SLC25A26: variants seen among roughly 807,000 people sequenced by gnomAD.
The protein encoded by SLC25A26 is solute carrier family 25 member 26.
SLC25A26 carries 36 observed loss-of-function variants against 37.8 expected under a neutral mutation model. The ratio of observed to expected loss-of-function variants is 0.95; its 90% CI spans 0.73 to 1.26. The LOEUF (loss-of-function observed/expected upper bound fraction) is 1.26, where lower values mean the gene tolerates loss of function less well. SLC25A26 is among the 50% of genes most tolerant of loss of function. The pLI is 0.00. For missense variants in SLC25A26, 390 were observed against 331.1 expected (o/e 1.18, Z -1.38); for synonymous variants, 129 against 122.5 (o/e 1.05, Z -0.35).
chr3:66,324,196 G>A (rs2075775275), intron 5 of SLC25A26: 1 of 145,908 alleles, frequency 6.9e-6, no homozygotes, highest in South Asian at 2.1e-4. Context: ...GTGTGTGTGT[G>A]TGTGTGTGTG....
rs1000019978 is a variant in SLC25A26, at chr3:66,378,571, A to G, written c.*764A>G. 1 of 152,544 alleles carries G rather than the reference A, an allele frequency of 6.6e-6. No homozygotes were observed. Among genetic ancestry groups the G allele is most frequent in the Non-Finnish European group, 1.5e-5 (1 of 68,038 alleles). The allele number at this position is 152,544 out of a possible 1,614,324, so 9.4% of individuals were successfully genotyped here. A position where few individuals can be genotyped will look rare whatever the true frequency, so the allele number is the denominator to read the frequency against. On this transcript the variant is annotated 3_prime_UTR_variant, in exon 10 of 10. Coordinates refer to ENST00000354883, the MANE Select transcript of SLC25A26 (RefSeq NM_001379210.1). The stretch of plus-strand genomic sequence containing the variant: ...GGGCCTGGGCCAGCTTTGAAAAGGC[A>G]GGATGAAATGGAAAGGTCACCACAC...
Position 66,370,550 on chromosome 3 carries a change from G to A in SLC25A26, c.655G>A (p.Gly219Arg). 6.2e-7 allele frequency: 1 copy of A among 1,613,924 alleles called. No individual in the cohort carries two copies. Among genetic ancestry groups the A allele is most frequent in the East Asian group, 2.2e-5 (1 of 44,876 alleles). Residue 219 changes from glycine to arginine, a missense_variant, in exon 9 of 10, where the codon GGG becomes AGG. Physicochemically the swap from Gly to Arg is moderately radical, Grantham distance 125. Transcript: ENST00000354883. ...ACAGGCTGGCTCCAGCACTGCTGATGGGAATGTGCTCTCTGTCCTGCATGG... is the reference window on the plus strand; with the variant it reads ...ACAGGCTGGCTCCAGCACTGCTGATAGGAATGTGCTCTCTGTCCTGCATGG... ...LAKAGSSTAD[G>R]NVLSVLHGVW...
chr3:66,301,788 G>T (rs1396478221), intron 5 of SLC25A26, among the ~76,000 whole-genome samples: 1 of 152,172 alleles, frequency 6.6e-6, no homozygotes, highest in Non-Finnish European at 1.5e-5. Flanking sequence ...TTAGAATTGT[G>T]ACGGGGGTAA....
At chr3:66,166,874 T>A (rs1438991260) in intron 1 of SLC25A26, among the ~76,000 whole-genome samples, 1 of 152,076 alleles carries the variant, frequency 6.6e-6, no homozygotes, top group Non-Finnish European at 1.5e-5. Flanking sequence ...TTCCCACGTG[T>A]TGTGGGAGGG....
chr3:66,292,203 G>T (rs1290035755), intron 5 of SLC25A26, among the ~76,000 whole-genome samples: 1 of 152,090 alleles, frequency 6.6e-6, no homozygotes, highest in Non-Finnish European at 1.5e-5. Flanking sequence ...CTTTGCACAT[G>T]AGATGGGCCT....
upstream of SLC25A26, among the ~76,000 whole-genome samples, chr3:66,216,479 C>T (rs1165708065): frequency 6.6e-6 from 1 of 152,120 alleles, no homozygotes; most frequent in East Asian, 1.9e-4. Context: ...CCACTGCATT[C>T]CAGCCTGGGC....
intron 5 of SLC25A26, among the ~76,000 whole-genome samples, chr3:66,336,865 T>C (rs1336582404): frequency 6.6e-6 from 1 of 152,154 alleles, no homozygotes; most frequent in Non-Finnish European, 1.5e-5. Context: ...TTAAGAACTT[T>C]TCAAGTGTTC....
chr3:66,327,942 G>A (rs2075879284), intron 5 of SLC25A26, among the ~76,000 whole-genome samples: 2 of 151,704 alleles, frequency 1.3e-5, no homozygotes, highest in African/African-American at 4.8e-5. Flanking sequence ...GAAAGGAGTG[G>A]CGGAATTGGA....
At chr3:66,360,305 T>G (rs2076668178) in intron 6 of SLC25A26, among the ~76,000 whole-genome samples, 1 of 152,184 alleles carries the variant, frequency 6.6e-6, no homozygotes, top group African/African-American at 2.4e-5. Flanking sequence ...CCATTTAAAT[T>G]AATATATTAA....
At chr3:66,179,456 A>G (rs1163069726) in intron 1 of SLC25A26, among the ~76,000 whole-genome samples, 1 of 152,236 alleles carries the variant, frequency 6.6e-6, no homozygotes, top group Non-Finnish European at 1.5e-5. Context: ...AGTCCAGCTA[A>G]CAGAGAAATT....
At chr3:66,258,325 C>T (rs1021123495) in intron 3 of SLC25A26, among the ~76,000 whole-genome samples, 67 of 152,072 alleles carry the variant, frequency 4.4e-4, no homozygotes, top group African/African-American at 1.6e-3. Context: ...AGTCAGGATG[C>T]CCAGGATGAG....
At chr3:66,192,026 A>T (rs2070952267) in intron 1 of SLC25A26, among the ~76,000 whole-genome samples, 1 of 151,622 alleles carries the variant, frequency 6.6e-6, no homozygotes. Flanking sequence ...ATAAAAAGAG[A>T]TTCCAATAGG....
chr3:66,348,923 T>C (rs2076388696), intron 6 of SLC25A26, among the ~76,000 whole-genome samples: 1 of 152,186 alleles, frequency 6.6e-6, no homozygotes, highest in African/African-American at 2.4e-5. Flanking sequence ...TCCTTTTTAG[T>C]GTGTGACAAA....
chr3:66,364,903 A>C (rs891907675), intron 7 of SLC25A26, among the ~76,000 whole-genome samples: 1 of 152,190 alleles, frequency 6.6e-6, no homozygotes, highest in African/African-American at 2.4e-5. Context: ...GCCTGCAAAA[A>C]ATCTGTTGTC....
chr3:66,206,609 G>A (rs2071180745), intron 1 of SLC25A26, among the ~76,000 whole-genome samples: 1 of 151,936 alleles, frequency 6.6e-6, no homozygotes, highest in Non-Finnish European at 1.5e-5. Context: ...GGGAGAGTAA[G>A]TAAATTATTA....
At chr3:66,347,580 C>T (rs1018106826) in intron 6 of SLC25A26, among the ~76,000 whole-genome samples, 29 of 152,102 alleles carry the variant, frequency 1.9e-4, no homozygotes, top group East Asian at 7.7e-4. Context: ...TTCTCAAAGA[C>T]GTAGAACCAG....
chr3:66,200,333 C>T (rs946486135), intron 1 of SLC25A26, among the ~76,000 whole-genome samples: 4 of 152,112 alleles, frequency 2.6e-5, no homozygotes, highest in Admixed American at 6.5e-5. Context: ...TGGCAGGTGC[C>T]GGGTGGGGTA....
intron 5 of SLC25A26, among the ~76,000 whole-genome samples, chr3:66,343,809 A>G (rs2076260943): frequency 6.6e-6 from 1 of 152,208 alleles, no homozygotes; most frequent in African/African-American, 2.4e-5. Flanking sequence ...TAAAGTTTAA[A>G]ACATTTAGAA....
chr3:66,332,557 A>G lies in SLC25A26; in HGVS notation c.454-13807A>G, dbSNP rs574648580. 6.6e-5 allele frequency among the ~76,000 whole-genome samples: 10 copies of G among 152,162 alleles called. No individual in the cohort carries two copies. In the South Asian group the frequency reaches 2.1e-3, roughly 32 times the overall value. On this transcript the variant is annotated intron_variant, in intron 5 of 9. Transcript: ENST00000354883. ...TTTCTAGAATTAGACTTAGAAGTGT[A>G]ATTTGGCAGCACTTGGATTTTCTTT...
Sources: allele counts gnomAD v4.1 joint callset (sites outside exome capture counted in the v4.1 genomes callset), GRCh38; gene constraint gnomAD v4.1.1; transcripts MANE v1.5; gene names NCBI Gene and HGNC (gene_info 2026-07-23, HGNC 2026-07-21).